ZNF713: variants seen among roughly 807,000 people sequenced by gnomAD.
ZNF713 encodes zinc finger protein 713.
ZNF713 carries 21 observed loss-of-function variants against 28.7 expected under a neutral mutation model. The observed-to-expected ratio is 0.73, with a 90% confidence interval of 0.52 to 1.05. The LOEUF (loss-of-function observed/expected upper bound fraction) is 1.05, where lower values mean the gene tolerates loss of function less well. Among genes scored for constraint, ZNF713 ranks in the 50% least tolerant of loss-of-function variants. ZNF713 has a pLI of 0.00. For missense variants in ZNF713, 458 were observed against 532.4 expected, an observed-to-expected ratio of 0.86 and a Z score of 1.37; for synonymous variants, 167 against 178.0, an observed-to-expected ratio of 0.94 and a Z score of 0.49.
At chr7:55,927,899 A>AAAAAAAAAC in intron 6 of ZNF713, among the ~76,000 whole-genome samples, 1 of 131,480 alleles carries the variant, frequency 7.6e-6, no homozygotes, top group Non-Finnish European at 1.7e-5. Flanking sequence ...TCTGTCTCAA[A>AAAAAAAAAC]AAAAAAAAAA....
Position 55,940,001 on chromosome 7 carries a change from A to G in ZNF713, c.1327A>G (p.Thr443Ala), listed in dbSNP as rs748665560. 5.7e-6 allele frequency: 9 copies of G among 1,567,146 alleles called. No homozygotes were observed. Among genetic ancestry groups the G allele is most frequent in the Non-Finnish European group, 7.8e-6 (9 of 1,156,590 alleles). ...TVRHSPSFSST is the reference protein window; with the variant it reads ...TVRHSPSFSSA ...TCGCCACAGTCCTTCATTTAGCAGCACATAACTTATGGTGGGGGAAATCAG... is the reference window on the plus strand; with the variant it reads ...TCGCCACAGTCCTTCATTTAGCAGCGCATAACTTATGGTGGGGGAAATCAG... The change falls in exon 7 of 7, where the codon ACA becomes GCA. Residue 443 changes from threonine (T) to alanine (A), a missense_variant. Thr to Ala is a moderately conservative substitution (Grantham distance 58). Transcript: ENST00000429591.
intron 1 of ZNF713, among the ~76,000 whole-genome samples, chr7:55,891,049 T>A (rs917189963): frequency 6.6e-6 from 1 of 151,820 alleles, no homozygotes; most frequent in African/African-American, 2.4e-5. Flanking sequence ...CCACACATGC[T>A]TGGAACAATT....
At chr7:55,901,043 G>A (rs764116826) in intron 1 of ZNF713, among the ~76,000 whole-genome samples, 2 of 152,180 alleles carry the variant, frequency 1.3e-5, no homozygotes. Context: ...TAATTTAAAA[G>A]TATGTGAGGT....
intron 6 of ZNF713, chr7:55,924,422 C>T (rs1467471467): frequency 1.3e-5 from 2 of 152,314 alleles, no homozygotes; most frequent in Non-Finnish European, 2.9e-5. Context: ...CCCTCTGTCC[C>T]TTTCCTGCAT....
chr7:55,929,425 G>A (rs750706791), intron 6 of ZNF713, among the ~76,000 whole-genome samples: 16 of 152,180 alleles, frequency 1.1e-4, no homozygotes, highest in Non-Finnish European at 7.3e-5. Flanking sequence ...GAGGTGAAAA[G>A]TGGGAATTGT....
intron 6 of ZNF713, among the ~76,000 whole-genome samples, chr7:55,933,210 C>A (rs1428092797): frequency 6.6e-6 from 1 of 152,014 alleles, no homozygotes; most frequent in African/African-American, 2.4e-5. Context: ...GCACTCCAGC[C>A]TGGGTGAAAA....
In ZNF713 at chr7:55,940,722, C is replaced by T. The variant is rs1786449791; in HGVS notation, c.*716C>T. 3.2e-5 allele frequency: 6 copies of T among 186,526 alleles called. No individual in the cohort carries two copies. In the South Asian group the frequency reaches 9.8e-4, roughly 30 times the overall value. 11.6% of individuals were successfully genotyped at this position (186,526 alleles called of 1,614,324 possible). Reference sequence around the variant, plus strand: ...TGCCACTGTACTCCAGCCTGGGCAACAGAGCAAGACTCTGTCTCAAAAAAA... The same window carrying T: ...TGCCACTGTACTCCAGCCTGGGCAATAGAGCAAGACTCTGTCTCAAAAAAA... On this transcript the variant is annotated 3_prime_UTR_variant, in exon 7 of 7. Transcript: ENST00000429591.
chr7:55,904,149 G>A lies in ZNF713; in HGVS notation c.-582-2104G>A, dbSNP rs1183333266. On this transcript the variant is annotated intron_variant, in intron 1 of 6. Transcript: ENST00000429591. ...AAGAGTCACCAGTCACCAGTCACCC[G>A]TATCAGATACTGTCTTGGAAGAAGT... 6.9e-5 allele frequency among the ~76,000 whole-genome samples: 6 copies of A among 87,092 alleles called. 3 individuals carry two copies. Among genetic ancestry groups the A allele is most frequent in the Admixed American group, 2.2e-4 (2 of 8,996 alleles). The allele number at this position is 87,092 out of a possible 152,430, so 57.1% of individuals were successfully genotyped here.
At chr7:55,892,233 G>A (rs1360048382) in intron 1 of ZNF713, among the ~76,000 whole-genome samples, 4 of 143,602 alleles carry the variant, frequency 2.8e-5, no homozygotes, top group East Asian at 4.3e-4. Flanking sequence ...AGCCGAGATC[G>A]CGCCGCTGCA....
intron 6 of ZNF713, chr7:55,924,457 A>C (rs762131658): frequency 4.6e-5 from 7 of 152,218 alleles, no homozygotes; most frequent in Non-Finnish European, 7.3e-5. Context: ...TTCTCCTAAA[A>C]ATATGTATCC....
Position 55,941,832 on chromosome 7 carries a change from A to C in ZNF713, c.*1826A>C, listed in dbSNP as rs1166564149. 1.3e-5 allele frequency: 2 copies of C among 152,150 alleles called. No individual in the cohort carries two copies. The highest frequency in any genetic ancestry group is 2.9e-5 in the Non-Finnish European group (2 of 68,022). The allele number at this position is 152,150 out of a possible 1,614,324, so 9.4% of individuals were successfully genotyped here. A position where few individuals can be genotyped will look rare whatever the true frequency, so the allele number is the denominator to read the frequency against. ...TGATAGTTTGTGGCAATATCCTGTGATGATTCTTTTTGCAATCTTGACATT... is the reference window on the plus strand; with the variant it reads ...TGATAGTTTGTGGCAATATCCTGTGCTGATTCTTTTTGCAATCTTGACATT... On this transcript the variant is annotated 3_prime_UTR_variant, in exon 7 of 7. Transcript: ENST00000429591.
chr7:55,894,001 C>CTT (rs1407169063), intron 1 of ZNF713, among the ~76,000 whole-genome samples: 2 of 152,156 alleles, frequency 1.3e-5, no homozygotes, highest in African/African-American at 4.8e-5. Context: ...GAAACTTGTG[C>CTT]TTTTGAGGCC....
chr7:55,891,232 C>G, intron 1 of ZNF713, among the ~76,000 whole-genome samples: 1 of 152,022 alleles, frequency 6.6e-6, no homozygotes, highest in Non-Finnish European at 1.5e-5. Context: ...GAAATTAAAG[C>G]TCAGTCTAAA....
intron 1 of ZNF713, among the ~76,000 whole-genome samples, chr7:55,890,886 C>T (rs1267378776): frequency 6.6e-6 from 1 of 151,182 alleles, no homozygotes; most frequent in East Asian, 1.9e-4. Context: ...GGCGTGGTGG[C>T]ACGTGCCTGA....
rs1017711600 is a variant in ZNF713, at chr7:55,904,068, G to A, written c.-582-2185G>A. ...AGAAGCAGCAACACATAAAAGGCAGGCAAAGGAAAAAGAGACTAGATCACA... is the reference window on the plus strand; with the variant it reads ...AGAAGCAGCAACACATAAAAGGCAGACAAAGGAAAAAGAGACTAGATCACA... On this transcript the variant is annotated intron_variant, in intron 1 of 6. Coordinates refer to ENST00000429591, the MANE Select transcript of ZNF713 (RefSeq NM_182633.3). Among the ~76,000 whole-genome samples the A allele has an allele frequency of 2.3e-4, 28 of 123,048 alleles. 1 individual carries two copies. The highest frequency in any genetic ancestry group is 7.8e-4 in the African/African-American group (27 of 34,778). The allele number at this position is 123,048 out of a possible 152,430, so 80.7% of individuals were successfully genotyped here.
chr7:55,892,499 G>A (rs529847822), intron 1 of ZNF713, among the ~76,000 whole-genome samples: 2 of 120,226 alleles, frequency 1.7e-5, no homozygotes, highest in African/African-American at 6.4e-5. Flanking sequence ...AGTTTATTTG[G>A]TAATAGTTTT....
Position 55,939,930 on chromosome 7 carries a change from T to C in ZNF713, c.1256T>C (p.Ile419Thr). 1 of 1,613,332 alleles carries C rather than the reference T, an allele frequency of 6.2e-7. No homozygotes were observed. The highest frequency in any genetic ancestry group is 1.1e-5 in the South Asian group (1 of 90,988). ...GCACACCTTAATCAACACAGGAAAATCCATACTCGGGAGAAATTATGTGAA... is the reference window on the plus strand; with the variant it reads ...GCACACCTTAATCAACACAGGAAAACCCATACTCGGGAGAAATTATGTGAA... ...QSAHLNQHRKIHTREKLCEYK... is the reference protein window; with the variant it reads ...QSAHLNQHRKTHTREKLCEYK... The change falls in exon 7 of 7, where the codon ATC becomes ACC. Residue 419 changes from isoleucine to threonine, a missense_variant. Physicochemically the swap from Ile to Thr is moderately conservative, Grantham distance 89 (BLOSUM62 -1). Coordinates refer to ENST00000429591, the MANE Select transcript of ZNF713 (RefSeq NM_182633.3).
intron 1 of ZNF713, among the ~76,000 whole-genome samples, chr7:55,890,995 C>CAA (rs200945331): frequency 5.2e-4 from 53 of 102,570 alleles, no homozygotes; most frequent in East Asian, 1.0e-3. Context: ...GACTCTGTCT[C>CAA]AAAAAAAAAA....
chr7:55,923,633 A>G lies in ZNF713; in HGVS notation c.241A>G (p.Ile81Val), dbSNP rs766170038. Residue 81 changes from isoleucine (I) to valine (V), a missense_variant, in exon 6 of 7, where the codon ATC becomes GTC. Coordinates refer to ENST00000429591, the MANE Select transcript of ZNF713 (RefSeq NM_182633.3). The stretch of plus-strand genomic sequence containing the variant: ...GTATCAGCTTTGTAAGCCAGAGGTA[A>G]TCGCGCAGTTGGAGCTAGAGGAAGA... ...LGYQLCKPEV[I>V]AQLELEEEWV... 12 of 1,609,640 alleles carry G rather than the reference A, an allele frequency of 7.5e-6. No homozygotes were observed. The South Asian group carries it at 7.8e-5, about 10-fold the overall frequency.
Sources: allele counts gnomAD v4.1 joint callset (sites outside exome capture counted in the v4.1 genomes callset), GRCh38; gene constraint gnomAD v4.1.1; transcripts MANE v1.5; gene names NCBI Gene and HGNC (gene_info 2026-07-23, HGNC 2026-07-21).